FOXP2: variants seen among roughly 807,000 people sequenced by gnomAD.
FOXP2 encodes forkhead box protein P2.
In FOXP2, 12 loss-of-function variants were observed where a neutral mutation model predicts 115.8. That is an observed-to-expected ratio of 0.10 (90% CI 0.07 to 0.17). The LOEUF is 0.17. Ranked by LOEUF, FOXP2 falls within the 10% of genes least tolerant of loss-of-function variation. The pLI, the probability that FOXP2 is intolerant of heterozygous loss-of-function variation, is 1.00. For missense variants in FOXP2, 629 were observed against 843.5 expected (o/e 0.75, Z 3.15); for synonymous variants, 328 against 297.7 (o/e 1.10, Z -1.05).
chr7:114,627,653 A>G (rs572767811), intron 3 of FOXP2, among the ~76,000 whole-genome samples: 3 of 151,590 alleles, frequency 2.0e-5, no homozygotes, highest in Non-Finnish European at 2.9e-5. Flanking sequence ...TTTCTCCTTT[A>G]TATCTTTTTC....
intron 2 of FOXP2, among the ~76,000 whole-genome samples, chr7:114,501,404 A>G (rs1161850303): frequency 6.6e-6 from 1 of 152,094 alleles, no homozygotes; most frequent in Non-Finnish European, 1.5e-5. Context: ...AATCACTGGG[A>G]TAGTGCTGCG....
intron 2 of FOXP2, among the ~76,000 whole-genome samples, chr7:114,501,776 G>A (rs1166158527): frequency 6.6e-6 from 1 of 151,944 alleles, no homozygotes; most frequent in East Asian, 1.9e-4. Flanking sequence ...TTAAAACGGT[G>A]AAATTCATAA....
chr7:114,101,897 T>TTTTG (rs1790974087), intron 1 of FOXP2, among the ~76,000 whole-genome samples: 1 of 89,530 alleles, frequency 1.1e-5, no homozygotes, highest in Non-Finnish European at 2.3e-5. Context: ...CGCTTCAACA[T>TTTTG]TTTGTGTGTG....
At chr7:114,234,622 T>A (rs1794963787) in intron 1 of FOXP2, among the ~76,000 whole-genome samples, 1 of 152,184 alleles carries the variant, frequency 6.6e-6, no homozygotes, top group South Asian at 2.1e-4. Flanking sequence ...ATTTCTTACA[T>A]GAAAGATGAA....
chr7:114,441,892 C>A (rs1376249342), intron 2 of FOXP2, among the ~76,000 whole-genome samples: 2 of 152,088 alleles, frequency 1.3e-5, no homozygotes, highest in African/African-American at 4.8e-5. Flanking sequence ...GAAACAGGAA[C>A]TCTCATTAGT....
chr7:114,491,687 G>T (rs879864054), intron 2 of FOXP2, among the ~76,000 whole-genome samples: 8 of 152,036 alleles, frequency 5.3e-5, no homozygotes, highest in Admixed American at 1.3e-4. Context: ...TTTTGTCATT[G>T]GTTCTGTTTA....
At chr7:114,121,699 T>A (rs573852862) in intron 1 of FOXP2, among the ~76,000 whole-genome samples, 6 of 152,206 alleles carry the variant, frequency 3.9e-5, no homozygotes, top group African/African-American at 1.4e-4. Context: ...TGAGAAACAA[T>A]GTCATAAGAA....
chr7:114,402,250 G>T (rs942517382), intron 2 of FOXP2, among the ~76,000 whole-genome samples: 2 of 152,080 alleles, frequency 1.3e-5, no homozygotes, highest in Non-Finnish European at 2.9e-5. Flanking sequence ...ACCTTTTTAG[G>T]TTAGAGAAGA....
intron 3 of FOXP2, among the ~76,000 whole-genome samples, chr7:114,606,757 G>C (rs1803354867): frequency 6.6e-6 from 1 of 152,182 alleles, no homozygotes; most frequent in Non-Finnish European, 1.5e-5. Flanking sequence ...TTTGGGAACA[G>C]TATACCTAGA....
At chr7:114,209,898 T>G (rs998096358) in intron 1 of FOXP2, among the ~76,000 whole-genome samples, 1 of 152,198 alleles carries the variant, frequency 6.6e-6, no homozygotes, top group Non-Finnish European at 1.5e-5. Flanking sequence ...AGCTCTGAGA[T>G]TCTTTCCTCT....
rs188329222 is a variant in FOXP2 at position 114,514,343 on chromosome 7, A to T, written c.169-20274A>T. On this transcript the variant is annotated intron_variant, in intron 2 of 16. Coordinates refer to ENST00000350908, the MANE Select transcript of FOXP2 (RefSeq NM_014491.4). ...TCATTAACTATCATCACTATGATGT[A>T]CAACAGATATCTTAAATTTATTCCT... Among the ~76,000 whole-genome samples the T allele has an allele frequency of 2.0e-5, 3 of 152,240 alleles. No homozygotes were observed. In the East Asian group the frequency reaches 5.8e-4, roughly 29 times the overall value.
At chr7:114,636,305 C>T (rs892471779) in intron 6 of FOXP2, among the ~76,000 whole-genome samples, 3 of 151,964 alleles carry the variant, frequency 2.0e-5, no homozygotes, top group Non-Finnish European at 4.4e-5. Context: ...TGTATGTATA[C>T]CAGTTTTTAA....
At chr7:114,609,738 T>C (rs910922858) in intron 3 of FOXP2, among the ~76,000 whole-genome samples, 3 of 152,224 alleles carry the variant, frequency 2.0e-5, no homozygotes, top group African/African-American at 7.2e-5. Flanking sequence ...CACAATCACT[T>C]TCCTCATTTA....
chr7:114,117,132 G>A (rs1237679967), intron 1 of FOXP2, among the ~76,000 whole-genome samples: 1 of 151,846 alleles, frequency 6.6e-6, no homozygotes, highest in Non-Finnish European at 1.5e-5. Flanking sequence ...TCTACCTGGA[G>A]GCAGATTATG....
chr7:114,254,886 C>T (rs993126475), intron 1 of FOXP2, among the ~76,000 whole-genome samples: 8 of 152,172 alleles, frequency 5.3e-5, no homozygotes, highest in Admixed American at 2.0e-4. Context: ...TTAGAATTTT[C>T]AGCTTTTCTG....
intron 7 of FOXP2, among the ~76,000 whole-genome samples, 177 bp downstream of exon 7, chr7:114,642,800 A>AT (rs1563054442): frequency 1.6e-4 from 5 of 30,708 alleles, no homozygotes; most frequent in African/African-American, 2.5e-4. Context: ...ATATATATAT[A>AT]TATATATATA....
At chr7:114,643,753 G>A (rs1304453122) in intron 7 of FOXP2, among the ~76,000 whole-genome samples, 1 of 152,104 alleles carries the variant, frequency 6.6e-6, no homozygotes, top group East Asian at 1.9e-4. Flanking sequence ...ATTTTTGAAA[G>A]ATGAAATGTA....
intron 16 of FOXP2, chr7:114,669,737 G>T (rs1484810033): frequency 6.6e-6 from 1 of 151,964 alleles, no homozygotes; most frequent in East Asian, 1.9e-4. Flanking sequence ...GAAGATGAAC[G>T]CATACTGATA....
intron 1 of FOXP2, among the ~76,000 whole-genome samples, chr7:114,254,599 T>C (rs1205330100): frequency 6.6e-6 from 1 of 152,264 alleles, no homozygotes; most frequent in Non-Finnish European, 1.5e-5. Flanking sequence ...TACTGAAGCT[T>C]GGGCATTCGT....
Sources: allele counts gnomAD v4.1 joint callset (sites outside exome capture counted in the v4.1 genomes callset), GRCh38; gene constraint gnomAD v4.1.1; transcripts MANE v1.5; gene names NCBI Gene and HGNC (gene_info 2026-07-23, HGNC 2026-07-21).